The following UBTF variants were observed in gnomAD, a reference collection of about 807,000 sequenced individuals.
UBTF encodes the protein upstream binding transcription factor, also known as nucleolar transcription factor 1.
UBTF carries 8 observed loss-of-function variants against 112.3 expected under a neutral mutation model. The observed-to-expected ratio is 0.07, with a 90% CI of 0.04 to 0.13. The LOEUF is 0.13. Among genes scored for constraint, UBTF ranks in the 10% least tolerant of loss-of-function variants. The pLI is 1.00. For missense variants in UBTF, 457 were observed against 982.1 expected (o/e 0.47, Z 7.15); for synonymous variants, 417 against 373.1 (o/e 1.12, Z -1.36).
At position 44,206,198 on chromosome 17, in the gene UBTF, T is replaced by C. The variant is rs372006844; in HGVS notation, c.*1044A>G. On this transcript the variant is annotated 3_prime_UTR_variant, in exon 21 of 21. Coordinates refer to ENST00000436088, the MANE Select transcript of UBTF (RefSeq NM_014233.4). Reference sequence around the variant, plus strand: ...GGACAATGGAGACCAGCAGCTCGGATGCATGTGACTCTGGCAGAGGGAGCC... The same window carrying C: ...GGACAATGGAGACCAGCAGCTCGGACGCATGTGACTCTGGCAGAGGGAGCC... 3.3e-5 allele frequency: 5 copies of C among 152,014 alleles called. No homozygotes were observed. In the East Asian group the frequency reaches 7.7e-4, roughly 24 times the overall value. The allele number at this position is 152,014 out of a possible 1,614,324, so 9.4% of individuals were successfully genotyped here.
rs754276076 is a variant in UBTF at position 44,210,897 on chromosome 17, C to T, written c.1254G>A (p.Ser418=). The part of the protein sequence containing the change: ...KRPVSAMFIF[S]EEKRRQLQEE... ...CCTGCAGCTGCCGCCGTTTCTCCTC[C>T]GAGAAGATGAACATGGCCGACACGG... is the stretch of plus-strand genomic sequence containing the variant. The change falls in exon 13 of 21, where the codon TCG becomes TCA. Residue 418 remains serine (S), a synonymous_variant. Transcript: ENST00000436088. The T allele has an allele frequency of 4.4e-6, 7 of 1,603,014 alleles. No individual in the cohort carries two copies. The East Asian group carries it at 1.1e-4, about 26-fold the overall frequency.
chr17:44,211,523 C>T lies in UBTF; in HGVS notation c.1047+83G>A. ...TGGAGGCAGGTACCCAAGGCACACG[C>T]CACCAGGGACTGACTGGCCCAAGAT... On this transcript the variant is annotated intron_variant, in intron 10 of 20. Coordinates refer to ENST00000436088, the MANE Select transcript of UBTF (RefSeq NM_014233.4). This position sits in a 1 kb window ranked among gnomAD's most constrained non-coding sequence, Gnocchi z 4.9. 6.4e-7 allele frequency: 1 copy of T among 1,567,144 alleles called. No individual in the cohort carries two copies. The highest frequency in any genetic ancestry group is 8.6e-7 in the Non-Finnish European group (1 of 1,157,162).
rs372618602 is a variant in UBTF at position 44,213,719 on chromosome 17, C to T, written c.475-437G>A. ...GCTGACATTAGTCTGTCCCCTTGTACGTAGCCTCTACATCTATGGCCAGGG... is the reference window on the plus strand; with the variant it reads ...GCTGACATTAGTCTGTCCCCTTGTATGTAGCCTCTACATCTATGGCCAGGG... On this transcript the variant is annotated intron_variant, in intron 5 of 20. Transcript: ENST00000436088. 1.9e-3 allele frequency among the ~76,000 whole-genome samples: 296 copies of T among 152,296 alleles called. 10 individuals are homozygous for T. In the South Asian group the frequency reaches 0.059, roughly 30 times the overall value.
At chr17:44,215,226 C>T in intron 5 of UBTF, 1 of 173,436 alleles carries the variant, frequency 5.8e-6, no homozygotes, top group Non-Finnish European at 1.2e-5. Context: ...CCTCCTGCAC[C>T]TCAGTTCCTT....
Position 44,218,664 on chromosome 17 carries a change from G to A in UBTF, c.-67-368C>T, listed in dbSNP as rs999248343. ...GCCCCGGGGAGGCCCCAGGCTGGAGGGCGGGGGAAGAGGAAGGGCGGGTAA... is the reference window on the plus strand; with the variant it reads ...GCCCCGGGGAGGCCCCAGGCTGGAGAGCGGGGGAAGAGGAAGGGCGGGTAA... On this transcript the variant is annotated intron_variant, in intron 1 of 20. Transcript: ENST00000436088. The A allele has an allele frequency of 6.4e-5, 10 of 157,198 alleles. No individual in the cohort carries two copies. The South Asian group carries it at 6.9e-4, about 11-fold the overall frequency. The allele number at this position is 157,198 out of a possible 1,614,324, so 9.7% of individuals were successfully genotyped here.
chr17:44,209,236 G>T, intron 17 of UBTF, 116 bp downstream of exon 17: 1 of 1,066,376 alleles, frequency 9.4e-7, no homozygotes, highest in Non-Finnish European at 1.3e-6. Context: ...GCGAGGGCAT[G>T]GAATGAAATC....
intron 17 of UBTF, chr17:44,208,860 C>T (rs926409919): frequency 5.5e-5 from 17 of 311,066 alleles, no homozygotes; most frequent in Non-Finnish European, 9.5e-5. Flanking sequence ...AGTTACTTAA[C>T]CTCTCTGAGC....
At position 44,216,658 on chromosome 17, in the gene UBTF, C is replaced by T. The variant is rs1270071026; in HGVS notation, c.105G>A (p.Lys35=). 1.2e-6 allele frequency: 2 copies of T among 1,614,192 alleles called. No homozygotes were observed. The highest frequency in any genetic ancestry group is 3.3e-5 in the Admixed American group (2 of 60,020). ...EDMLTLLECM[K]NNLPSNDSSK... ...AGCTGTCATTGGATGGAAGGTTGTT[C>T]TTCATGCATTCCAGCAAAGTCAGCA... Residue 35 remains lysine (K), a synonymous_variant, in exon 3 of 21, where the codon AAG becomes AAA. Transcript: ENST00000436088.
chr17:44,219,954 C>T (rs2047091650), upstream of UBTF, among the ~76,000 whole-genome samples: 1 of 149,994 alleles, frequency 6.7e-6, no homozygotes, highest in Admixed American at 6.6e-5. Flanking sequence ...CGGGGGGCAG[C>T]TGGGAGGAGG....
rs2046943892 is a variant in UBTF at position 44,218,185 on chromosome 17, G to A, written c.45C>T (p.Ala15=). The A allele has an allele frequency of 6.2e-7, 1 of 1,612,606 alleles. No individual in the cohort carries two copies. The highest frequency in any genetic ancestry group is 1.7e-5 in the Admixed American group (1 of 59,682). ...GGATGCCCCTACCTTGGCCTTTGGGGGCGGCCATTTCCAGGTCTGTGGGGC... is the reference window on the plus strand; with the variant it reads ...GGATGCCCCTACCTTGGCCTTTGGGAGCGGCCATTTCCAGGTCTGTGGGGC... The part of the protein sequence containing the change: ...ADCPTDLEMA[A]PKGQDRWSQE... The change falls in exon 2 of 21, where the codon GCC becomes GCT. Residue 15 remains alanine (A), a synonymous_variant. Coordinates refer to ENST00000436088, the MANE Select transcript of UBTF (RefSeq NM_014233.4).
intron 2 of UBTF, among the ~76,000 whole-genome samples, chr17:44,217,428 A>G (rs1030820601): frequency 3.9e-5 from 6 of 152,210 alleles, no homozygotes; most frequent in African/African-American, 1.4e-4. Flanking sequence ...TACCCAGGGA[A>G]GCAAGAACAG....
At position 44,211,408 on chromosome 17, in the gene UBTF, C is replaced by A; in HGVS notation, c.1048-77G>T. 6.3e-7 allele frequency: 1 copy of A among 1,597,096 alleles called. No individual in the cohort carries two copies. The highest frequency in any genetic ancestry group is 8.6e-7 in the Non-Finnish European group (1 of 1,167,488). ...CCCTGCAGTACTCGGAGGACAGTGA[C>A]CTTCAGCGGGCCTCCAGAGCCTGGG... On this transcript the variant is annotated intron_variant, in intron 10 of 20. Transcript: ENST00000436088. The surrounding 1 kb of genome is among the most constrained non-coding windows in gnomAD (Gnocchi z 4.9).
At chr17:44,212,082 G>A (rs2056719265) in intron 8 of UBTF, 76 bp from the exon 9 acceptor site, 1 of 1,515,762 alleles carries the variant, frequency 6.6e-7, no homozygotes. Flanking sequence ...GAGAGCCGCT[G>A]GGGAGGGCAG....
At chr17:44,218,400 ACT>A in intron 1 of UBTF, 104 bp from the exon 2 acceptor site, 1 of 664,372 alleles carries the variant, frequency 1.5e-6, no homozygotes, top group South Asian at 1.7e-5. Context: ...ACTCTGAGAG[ACT>A]CAGCCATGAC....
chr17:44,214,939 C>G (rs2046771344), intron 5 of UBTF, among the ~76,000 whole-genome samples: 1 of 152,186 alleles, frequency 6.6e-6, no homozygotes, highest in South Asian at 2.1e-4. Context: ...TGCTGCCTAT[C>G]TCTGGGAGGG....
chr17:44,211,137 C>G lies in UBTF; in HGVS notation c.1105G>C (p.Glu369Gln). The change falls in exon 12 of 21, where the codon GAG (glutamate) becomes CAG (glutamine). Residue 369 changes from glutamate (E) to glutamine (Q), a missense_variant. By Grantham distance (29) the Glu-to-Gln change is conservative (BLOSUM62 2). This residue lies in a region of UBTF where 87 missense variants were observed against 286.6 expected (regional missense o/e 0.30). Coordinates refer to ENST00000436088, the MANE Select transcript of UBTF (RefSeq NM_014233.4). This position sits in a 1 kb window ranked among gnomAD's most constrained non-coding sequence, Gnocchi z 4.9. ...TCTTCCCCCAAGACCCGCTGCTGCT[C>G]CTCCTCAGGCAGGCTCTGGACAGGA... ...LRFLESLPEE[E>Q]QQRVLGEEKM... The G allele has an allele frequency of 6.2e-7, 1 of 1,613,232 alleles. No individual in the cohort carries two copies. The highest frequency in any genetic ancestry group is 8.5e-7 in the Non-Finnish European group (1 of 1,179,988).
intron 1 of UBTF, 91 bp from the exon 2 acceptor site, chr17:44,218,387 C>T (rs1251165267): frequency 5.6e-6 from 4 of 717,028 alleles, no homozygotes; most frequent in Non-Finnish European, 9.5e-6. Flanking sequence ...GGGGCAGGTC[C>T]ACACTCTGAG....
intron 5 of UBTF, 180 bp downstream of exon 5, chr17:44,215,474 T>TA: frequency 1.4e-6 from 1 of 710,904 alleles, no homozygotes; most frequent in South Asian, 1.9e-5. Context: ...TGCCTGTGCC[T>TA]GACCATGTGT....
At chr17:44,209,178 A>AT in intron 17 of UBTF, 174 bp downstream of exon 17, 2 of 682,772 alleles carry the variant, frequency 2.9e-6, no homozygotes, top group Non-Finnish European at 4.5e-6. Context: ...AAAAATAAAA[A>AT]AAAAAATAAA....
Sources: allele counts gnomAD v4.1 joint callset (sites outside exome capture counted in the v4.1 genomes callset), GRCh38; gene constraint gnomAD v4.1.1; regional missense constraint gnomAD v4.1.1; non-coding constraint Gnocchi (gnomAD v3.1); transcripts MANE v1.5; gene names NCBI Gene and HGNC (gene_info 2026-07-23, HGNC 2026-07-21).